Variants in C2orf76 observed in about 807,000 individuals in gnomAD.
C2orf76 encodes the protein UPF0538 protein C2orf76.
A neutral mutation model predicts 16.9 loss-of-function variants in C2orf76; 23 were observed. The ratio of observed to expected loss-of-function variants is 1.36; its 90% CI spans 0.98 to 1.93. The LOEUF (loss-of-function observed/expected upper bound fraction) is 1.93, where lower values mean the gene tolerates loss of function less well. C2orf76 is among the 30% of genes most tolerant of loss of function. C2orf76 has a pLI of 0.00. For missense variants in C2orf76, 152 were observed against 152.6 expected (o/e 1.00, Z 0.02); for synonymous variants, 48 against 52.3 (o/e 0.92, Z 0.35).
chr2:119,358,234 A>G (rs1442976403), intron 1 of C2orf76, among the ~76,000 whole-genome samples: 1 of 152,224 alleles, frequency 6.6e-6, no homozygotes, highest in African/African-American at 2.4e-5. Flanking sequence ...AGTTGTGAAT[A>G]CAAAGGAAAA....
Position 119,322,120 on chromosome 2 carries a change from G to GTATA in C2orf76, c.134-920_134-917dup, listed in dbSNP as rs375235101. On this transcript the variant is annotated intron_variant, in intron 2 of 5. Coordinates refer to ENST00000334816, the MANE Select transcript of C2orf76 (RefSeq NM_001322331.2). ...AACAGAGAAATGTGTGTATATATGT[G>GTATA]TATATATATATATATCTCAAAATTA... Among the ~76,000 whole-genome samples the GTATA allele has an allele frequency of 3.8e-3, 566 of 150,326 alleles. 4 individuals carry two copies. The highest frequency in any genetic ancestry group is 0.013 in the African/African-American group (529 of 41,030).
intron 1 of C2orf76, among the ~76,000 whole-genome samples, chr2:119,364,235 A>G (rs1680849356): frequency 6.6e-6 from 1 of 152,166 alleles, no homozygotes; most frequent in African/African-American, 2.4e-5. Context: ...AAATATAAAT[A>G]AATAATAAAT....
intron 1 of C2orf76, among the ~76,000 whole-genome samples, chr2:119,354,340 G>A (rs1680498422): frequency 6.6e-6 from 1 of 152,162 alleles, no homozygotes; most frequent in East Asian, 1.9e-4. Context: ...GGCCAACATG[G>A]TGAAACCCCG....
At chr2:119,342,095 A>T (rs1680048971) in intron 1 of C2orf76, among the ~76,000 whole-genome samples, 1 of 152,220 alleles carries the variant, frequency 6.6e-6, no homozygotes, top group South Asian at 2.1e-4. Context: ...AAAAACTGGA[A>T]ACAACTGTCC....
the C2orf76 span, among the ~76,000 whole-genome samples, chr2:119,287,755 T>A: frequency 1.4e-4 from 22 of 152,306 alleles, 1 homozygote; most frequent in South Asian, 4.3e-3. Flanking sequence ...CTCTCCTTAC[T>A]CCTGAAGGAA....
chr2:119,283,111 T>C, the C2orf76 span, among the ~76,000 whole-genome samples: 2 of 152,176 alleles, frequency 1.3e-5, no homozygotes, highest in Non-Finnish European at 2.9e-5. Flanking sequence ...CCCTCTTCCT[T>C]GGTGGGAAGG....
At chr2:119,347,766 T>C (rs550864502) in intron 1 of C2orf76, among the ~76,000 whole-genome samples, 3 of 152,086 alleles carry the variant, frequency 2.0e-5, no homozygotes, top group Non-Finnish European at 4.4e-5. Context: ...CCTTTTTATC[T>C]TGAAATAATT....
intron 2 of C2orf76, among the ~76,000 whole-genome samples, chr2:119,329,641 A>G (rs1188938684): frequency 6.6e-6 from 1 of 151,950 alleles, no homozygotes; most frequent in Non-Finnish European, 1.5e-5. Flanking sequence ...TGTAACCCTT[A>G]GATTGTGGGG....
At chr2:119,333,956 CT>C (rs1558787583) in intron 2 of C2orf76, among the ~76,000 whole-genome samples, 3 of 152,084 alleles carry the variant, frequency 2.0e-5, no homozygotes, top group East Asian at 1.9e-4. Context: ...TTTCTCTGTT[CT>C]TTTTTTCTTT....
At chr2:119,348,855 G>A (rs1171180807) in intron 1 of C2orf76, among the ~76,000 whole-genome samples, 3 of 152,134 alleles carry the variant, frequency 2.0e-5, no homozygotes, top group African/African-American at 7.2e-5. Context: ...AAGTTAGCCC[G>A]GCATGGTGGC....
intron 5 of C2orf76, among the ~76,000 whole-genome samples, chr2:119,307,227 G>A (rs577946572): frequency 6.6e-6 from 1 of 152,010 alleles, no homozygotes; most frequent in African/African-American, 2.4e-5. Flanking sequence ...ATCACTTGAA[G>A]TCAGGAGTTC....
chr2:119,334,379 C>CAAAAAAAAAAAAAAA (rs34753333), intron 2 of C2orf76, among the ~76,000 whole-genome samples: 5 of 71,626 alleles, frequency 7.0e-5, no homozygotes, highest in Admixed American at 1.9e-4. Flanking sequence ...GTATGCAAAG[C>CAAAAAAAAAAAAAAA]AAAAAAAAAA....
At chr2:119,356,745 T>C (rs1680582992) in intron 1 of C2orf76, among the ~76,000 whole-genome samples, 1 of 151,624 alleles carries the variant, frequency 6.6e-6, no homozygotes, top group African/African-American at 2.4e-5. Context: ...CTGATGAATC[T>C]TGAGCAAGAC....
intron 2 of C2orf76, among the ~76,000 whole-genome samples, chr2:119,334,056 G>C (rs1182917334): frequency 1.3e-5 from 2 of 151,944 alleles, no homozygotes; most frequent in Non-Finnish European, 2.9e-5. Context: ...ACCTTCCAAA[G>C]TGTTGGGATT....
chr2:119,295,761 G>A, the C2orf76 span, among the ~76,000 whole-genome samples: 11 of 152,104 alleles, frequency 7.2e-5, no homozygotes, highest in Non-Finnish European at 8.8e-5. Flanking sequence ...GACTTCATCC[G>A]GGACCTGAAA....
chr2:119,314,238 T>C (rs1344136233), intron 4 of C2orf76, among the ~76,000 whole-genome samples: 3 of 152,092 alleles, frequency 2.0e-5, no homozygotes, highest in African/African-American at 7.2e-5. Flanking sequence ...GAATTTCAAA[T>C]ATACAATAGA....
intron 5 of C2orf76, 48 bp downstream of exon 5, chr2:119,311,574 T>C (rs1678988852): frequency 3.1e-6 from 5 of 1,593,656 alleles, no homozygotes; most frequent in African/African-American, 1.4e-5. Context: ...GGCCTCAGGA[T>C]AGGCCGGCAG....
At chr2:119,366,213 T>A in intron 1 of C2orf76, 1 of 348,718 alleles carries the variant, frequency 2.9e-6, no homozygotes, top group South Asian at 2.2e-5. Context: ...TTCACTGCTG[T>A]CTGCCAAGGT....
At chr2:119,322,801 A>C (rs780256877) in intron 2 of C2orf76, among the ~76,000 whole-genome samples, 10 of 147,902 alleles carry the variant, frequency 6.8e-5, no homozygotes, top group Non-Finnish European at 1.3e-4. Flanking sequence ...TTTGAGTAAA[A>C]AGGGGGTAAA....
Sources: gnomAD v4.1 joint callset for allele counts (sites outside exome capture counted in the v4.1 genomes callset) on GRCh38, gnomAD v4.1.1 for gene constraint, MANE v1.5 for transcripts, NCBI Gene and HGNC (gene_info 2026-07-23, HGNC 2026-07-21) for gene names.